CAMTA1: variants seen among roughly 807,000 people sequenced by gnomAD.
CAMTA1 encodes calmodulin-binding transcription activator 1.
In CAMTA1, 27 loss-of-function variants were observed where a neutral mutation model predicts 170.9. The observed-to-expected ratio is 0.16, with a 90% CI of 0.12 to 0.22. The LOEUF (loss-of-function observed/expected upper bound fraction) is 0.22, where lower values mean the gene tolerates loss of function less well. Ranked by LOEUF, CAMTA1 falls within the 10% of genes least tolerant of loss-of-function variation. CAMTA1 has a pLI of 1.00. For missense variants in CAMTA1, 1,619 were observed against 2,217.2 expected, an observed-to-expected ratio of 0.73 and a Z score of 5.42; for synonymous variants, 833 against 891.5, an observed-to-expected ratio of 0.93 and a Z score of 1.17.
chr1:7,674,900 G>T lies in CAMTA1; in HGVS notation c.2780-2699G>T, dbSNP rs2096098833. 6.6e-6 allele frequency among the ~76,000 whole-genome samples: 1 copy of T among 152,222 alleles called. No individual in the cohort carries two copies. The highest frequency in any genetic ancestry group is 1.5e-5 in the Non-Finnish European group (1 of 68,050). On this transcript the variant is annotated intron_variant, in intron 10 of 22. Transcript: ENST00000303635. This position sits in a 1 kb window ranked among gnomAD's most constrained non-coding sequence, Gnocchi z 4.1. ...ATCCTGGGCACTGACCTTGGCACTA[G>T]GCATGAAGATTAAGACAGAGCCAGT...
At position 7,187,328 on chromosome 1, in the gene CAMTA1, C is replaced by T. The variant is rs540750439; in HGVS notation, c.303-62163C>T. Among the ~76,000 whole-genome samples, 80 of 152,206 alleles carry T rather than the reference C, an allele frequency of 5.3e-4. 1 individual carries two copies. Among genetic ancestry groups the T allele is most frequent in the Middle Eastern group, 3.4e-3 (1 of 294 alleles). Reference sequence around the variant, plus strand: ...TCTGCATACTCACTGGGAAGGATTGCCAACTGCTGTTTCTCGGAAAGAACT... The same window carrying T: ...TCTGCATACTCACTGGGAAGGATTGTCAACTGCTGTTTCTCGGAAAGAACT... On this transcript the variant is annotated intron_variant, in intron 4 of 22. Coordinates refer to ENST00000303635, the MANE Select transcript of CAMTA1 (RefSeq NM_015215.4).
rs111838038 is a variant in CAMTA1 at position 6,873,253 on chromosome 1, ATT to A, written c.234+48056_234+48057del. 1.9e-3 allele frequency among the ~76,000 whole-genome samples: 275 copies of A among 145,060 alleles called. 1 individual carries two copies. The highest frequency in any genetic ancestry group is 6.7e-3 in the African/African-American group (266 of 39,642). On this transcript the variant is annotated intron_variant, in intron 3 of 22. Transcript: ENST00000303635. ...TTGCTAAACCTGGAATTTTAAGGTG[ATT>A]TTTTTTTTTTTTAAATAATGCTTTT... is the stretch of plus-strand genomic sequence containing the variant.
intron 4 of CAMTA1, among the ~76,000 whole-genome samples, chr1:7,097,725 C>T (rs1188691887): frequency 6.6e-6 from 1 of 152,206 alleles, no homozygotes; most frequent in Non-Finnish European, 1.5e-5. Flanking sequence ...AGCTTGAAGA[C>T]GTTATACTCA....
At chr1:7,403,719 C>G (rs2090084879) in intron 5 of CAMTA1, among the ~76,000 whole-genome samples, 1 of 152,162 alleles carries the variant, frequency 6.6e-6, no homozygotes, top group Admixed American at 6.5e-5. Context: ...AGCACTGCAC[C>G]TGGGACCATC....
chr1:7,711,613 A>G (rs1007443190), intron 11 of CAMTA1, among the ~76,000 whole-genome samples: 14 of 152,228 alleles, frequency 9.2e-5, no homozygotes, highest in African/African-American at 3.4e-4. Context: ...GAATCTTTAA[A>G]TGGATATTGA....
intron 5 of CAMTA1, among the ~76,000 whole-genome samples, chr1:7,419,458 C>T (rs183096555): frequency 6.6e-6 from 1 of 152,138 alleles, no homozygotes; most frequent in Non-Finnish European, 1.5e-5. Context: ...TGCCCAGCCC[C>T]AATCTCCTTG....
chr1:7,667,890 T>C (rs1170988243), intron 9 of CAMTA1, among the ~76,000 whole-genome samples: 7 of 152,326 alleles, frequency 4.6e-5, no homozygotes, highest in Admixed American at 4.6e-4. Context: ...GCTAGGCCCT[T>C]TGGGGCCCCA....
At chr1:7,048,240 G>T (rs1705725118) in intron 3 of CAMTA1, among the ~76,000 whole-genome samples, 1 of 152,074 alleles carries the variant, frequency 6.6e-6, no homozygotes, top group Non-Finnish European at 1.5e-5. Context: ...TTTAGGAACA[G>T]AACCTATTAA....
chr1:7,247,647 A>G (rs1029642862), intron 4 of CAMTA1, among the ~76,000 whole-genome samples: 1 of 152,118 alleles, frequency 6.6e-6, no homozygotes, highest in Non-Finnish European at 1.5e-5. Flanking sequence ...GTTTCATTAA[A>G]CAAGTTCCCT....
At chr1:6,893,580 A>G (rs1005942252) in intron 3 of CAMTA1, among the ~76,000 whole-genome samples, 2 of 152,174 alleles carry the variant, frequency 1.3e-5, no homozygotes, top group Admixed American at 1.3e-4. Flanking sequence ...CTAAATGGAG[A>G]TTGTAGCTTC....
chr1:7,249,416 G>T lies in CAMTA1; in HGVS notation c.303-75G>T, dbSNP rs1194477395. 2.2e-6 allele frequency: 3 copies of T among 1,377,520 alleles called. No homozygotes were observed. The highest frequency in any genetic ancestry group is 3.0e-6 in the Non-Finnish European group (3 of 999,004). 85.3% of individuals were successfully genotyped at this position (1,377,520 alleles called of 1,614,324 possible). The stretch of plus-strand genomic sequence containing the variant: ...TTGCTTTTCTGTAGAGACTTTTACT[G>T]GTCGATGATATCTTTCTTCATAAAT... On this transcript the variant is annotated intron_variant, in intron 4 of 22. Coordinates refer to ENST00000303635, the MANE Select transcript of CAMTA1 (RefSeq NM_015215.4). The surrounding 1 kb of genome is among the most constrained non-coding windows in gnomAD (Gnocchi z 4.4).
chr1:6,954,265 G>A (rs1409723325), intron 3 of CAMTA1, among the ~76,000 whole-genome samples: 3 of 152,200 alleles, frequency 2.0e-5, no homozygotes, highest in Admixed American at 6.5e-5. Context: ...AGGGCCAGGT[G>A]CCCCGTGGAA....
At chr1:7,018,566 A>C (rs1457745168) in intron 3 of CAMTA1, among the ~76,000 whole-genome samples, 1 of 152,034 alleles carries the variant, frequency 6.6e-6, no homozygotes, top group Non-Finnish European at 1.5e-5. Flanking sequence ...CTCCTTGCCA[A>C]GTTTACACTG....
At chr1:7,460,875 G>A (rs2093068666) in intron 5 of CAMTA1, among the ~76,000 whole-genome samples, 1 of 152,050 alleles carries the variant, frequency 6.6e-6, no homozygotes, top group African/African-American at 2.4e-5. Context: ...GCGGCAGAGA[G>A]ATGGGCCCAG....
At chr1:6,796,675 A>G (rs1642595442) in intron 1 of CAMTA1, among the ~76,000 whole-genome samples, 1 of 151,920 alleles carries the variant, frequency 6.6e-6, no homozygotes, top group African/African-American at 2.4e-5. Flanking sequence ...CTTGTATTGG[A>G]CTTAGGGTGC....
chr1:7,024,618 C>CGAT (rs1211967704), intron 3 of CAMTA1, among the ~76,000 whole-genome samples: 1 of 152,124 alleles, frequency 6.6e-6, no homozygotes, highest in Admixed American at 6.5e-5. Flanking sequence ...ATTGTTCACC[C>CGAT]GATGTGTTTC....
intron 3 of CAMTA1, among the ~76,000 whole-genome samples, chr1:6,960,555 T>TC (rs1331268775): frequency 6.6e-6 from 1 of 151,886 alleles, no homozygotes; most frequent in Non-Finnish European, 1.5e-5. Flanking sequence ...CGGCAAAGAC[T>TC]CCCCCACCGC....
At chr1:7,017,489 G>A (rs1048395396) in intron 3 of CAMTA1, among the ~76,000 whole-genome samples, 1 of 152,174 alleles carries the variant, frequency 6.6e-6, no homozygotes, top group Admixed American at 6.5e-5. Context: ...CAGGTGCTCC[G>A]TCAGCGAGTA....
Position 7,738,992 on chromosome 1 carries a change from T to C in CAMTA1, c.4182+510T>C, listed in dbSNP as rs2096790852. On this transcript the variant is annotated intron_variant, in intron 16 of 22. Coordinates refer to ENST00000303635, the MANE Select transcript of CAMTA1 (RefSeq NM_015215.4). The surrounding 1 kb of genome is among the most constrained non-coding windows in gnomAD (Gnocchi z 4.9). ...GCGAAATATTCCTGAAGCTGATAATTGATTGCCCTTATAATAAATCTAAAA... is the reference window on the plus strand; with the variant it reads ...GCGAAATATTCCTGAAGCTGATAATCGATTGCCCTTATAATAAATCTAAAA... Among the ~76,000 whole-genome samples the C allele has an allele frequency of 6.6e-6, 1 of 152,182 alleles. No homozygotes were observed. Among genetic ancestry groups the C allele is most frequent in the Non-Finnish European group, 1.5e-5 (1 of 68,042 alleles).
Sources: gnomAD v4.1 joint callset for allele counts (sites outside exome capture counted in the v4.1 genomes callset) on GRCh38, gnomAD v4.1.1 for gene constraint, Gnocchi (gnomAD v3.1) non-coding constraint, MANE v1.5 for transcripts, NCBI Gene and HGNC (gene_info 2026-07-23, HGNC 2026-07-21) for gene names.